The following EMILIN2 variants were observed in gnomAD, a reference collection of about 807,000 sequenced individuals.
EMILIN2 encodes the protein elastin microfibril interfacer 2.
In EMILIN2, 71 loss-of-function variants were observed where a neutral mutation model predicts 87.1. The observed-to-expected ratio is 0.82, with a 90% CI of 0.67 to 0.99. The LOEUF (loss-of-function observed/expected upper bound fraction) is 0.99, where lower values mean the gene tolerates loss of function less well. EMILIN2 is among the 50% of genes least tolerant of loss of function. EMILIN2 has a pLI of 0.00. For synonymous variants in EMILIN2, 581 were observed against 563.4 expected, an observed-to-expected ratio of 1.03 and a Z score of -0.44; for missense variants, 1,407 against 1,371.8, an observed-to-expected ratio of 1.03 and a Z score of -0.40.
intron 2 of EMILIN2, among the ~76,000 whole-genome samples, chr18:2,861,459 A>G (rs1406498508): frequency 6.6e-6 from 1 of 152,214 alleles, no homozygotes; most frequent in Non-Finnish European, 1.5e-5. Context: ...ATGGCTAGCC[A>G]GTTTTCCCAG....
At chr18:2,871,652 G>A (rs2076720614) in intron 2 of EMILIN2, among the ~76,000 whole-genome samples, 1 of 152,174 alleles carries the variant, frequency 6.6e-6, no homozygotes, top group African/African-American at 2.4e-5. Flanking sequence ...TTGCTAGAAA[G>A]GACCACGTGT....
chr18:2,901,822 C>T lies in EMILIN2; in HGVS notation c.2360-4961C>T, dbSNP rs917699613. 3.3e-5 allele frequency among the ~76,000 whole-genome samples: 5 copies of T among 152,348 alleles called. No homozygotes were observed. The East Asian group carries it at 5.8e-4, about 18-fold the overall frequency. On this transcript the variant is annotated intron_variant, in intron 4 of 7. Transcript: ENST00000254528. ...ATAAATGTGTGCGTTCGGCACCCCA[C>T]GTGATGCTGTGGACTAAGCCAGAGC...
intron 3 of EMILIN2, among the ~76,000 whole-genome samples, chr18:2,885,450 G>C (rs2076798727): frequency 6.6e-6 from 1 of 152,360 alleles, no homozygotes; most frequent in Non-Finnish European, 1.5e-5. Flanking sequence ...AAGAGATTCA[G>C]ATGTAATGAT....
chr18:2,901,076 G>C (rs986779207), intron 4 of EMILIN2, among the ~76,000 whole-genome samples: 3 of 152,190 alleles, frequency 2.0e-5, no homozygotes, highest in Admixed American at 1.3e-4. Flanking sequence ...GGTCTGATTG[G>C]CATCAATTTC....
intron 2 of EMILIN2, among the ~76,000 whole-genome samples, chr18:2,857,892 A>G (rs1474117787): frequency 6.6e-6 from 1 of 152,146 alleles, no homozygotes. Flanking sequence ...ACGATGGGCA[A>G]TGCGCCCTTT....
intron 2 of EMILIN2, among the ~76,000 whole-genome samples, chr18:2,866,284 G>A (rs937345883): frequency 1.3e-4 from 20 of 152,188 alleles, no homozygotes; most frequent in Admixed American, 1.0e-3. Flanking sequence ...CTTCTGCGTC[G>A]CTCACGCTGG....
At chr18:2,864,600 G>A (rs1290577861) in intron 2 of EMILIN2, among the ~76,000 whole-genome samples, 1 of 152,206 alleles carries the variant, frequency 6.6e-6, no homozygotes, top group Non-Finnish European at 1.5e-5. Flanking sequence ...TTAGTCTGAT[G>A]GGCTTCCCTT....
In EMILIN2 at chr18:2,847,946, C is replaced by G. The variant is rs766606235; in HGVS notation, c.257+15C>G. 1.5e-6 allele frequency: 2 copies of G among 1,341,442 alleles called. No individual in the cohort carries two copies. The highest frequency in any genetic ancestry group is 2.0e-6 in the Non-Finnish European group (2 of 1,005,646). The allele number at this position is 1,341,442 out of a possible 1,614,324, so 83.1% of individuals were successfully genotyped here. ...TCGGCGCTGGTGTAAGTCCTGGAGCCGGGGAGCGGGCGGGGCGCGCCCGGG... is the reference window on the plus strand; with the variant it reads ...TCGGCGCTGGTGTAAGTCCTGGAGCGGGGGAGCGGGCGGGGCGCGCCCGGG... On this transcript the variant is annotated intron_variant, in intron 2 of 7. Coordinates refer to ENST00000254528, the MANE Select transcript of EMILIN2 (RefSeq NM_032048.3). This position sits in a 1 kb window ranked among gnomAD's most constrained non-coding sequence, Gnocchi z 4.5.
At chr18:2,869,587 G>A (rs972547493) in intron 2 of EMILIN2, among the ~76,000 whole-genome samples, 1 of 152,052 alleles carries the variant, frequency 6.6e-6, no homozygotes, top group African/African-American at 2.4e-5. Context: ...TCATGTTGTA[G>A]TATGTATCAG....
intron 4 of EMILIN2, among the ~76,000 whole-genome samples, chr18:2,905,066 C>T (rs1240862043): frequency 2.0e-5 from 3 of 152,164 alleles, no homozygotes. Context: ...CCCAGCCTTT[C>T]TCAACCAGGG....
chr18:2,868,577 C>T (rs11877224), intron 2 of EMILIN2, among the ~76,000 whole-genome samples: 12,629 of 152,318 alleles, frequency 0.083, 1,700 homozygotes, highest in African/African-American at 0.29. Context: ...GCGGATCACT[C>T]GCGGTTAGGA....
At chr18:2,857,703 A>G (rs1032182236) in intron 2 of EMILIN2, among the ~76,000 whole-genome samples, 1 of 152,210 alleles carries the variant, frequency 6.6e-6, no homozygotes, top group Admixed American at 6.5e-5. Flanking sequence ...GCAGGGAGGC[A>G]TGGTCAAGCC....
At chr18:2,849,706 C>T (rs2076593414) in intron 2 of EMILIN2, among the ~76,000 whole-genome samples, 2 of 152,052 alleles carry the variant, frequency 1.3e-5, no homozygotes, top group Non-Finnish European at 2.9e-5. Context: ...CAATAATAAC[C>T]ATATAAACAA....
chr18:2,897,639 C>T (rs1189971557), intron 4 of EMILIN2, among the ~76,000 whole-genome samples: 2 of 152,188 alleles, frequency 1.3e-5, no homozygotes, highest in East Asian at 3.9e-4. Flanking sequence ...GCCAAGGCAG[C>T]AGGATCACTT....
intron 7 of EMILIN2, among the ~76,000 whole-genome samples, chr18:2,910,787 G>A (rs2076936972): frequency 6.6e-6 from 1 of 152,222 alleles, no homozygotes; most frequent in Admixed American, 6.5e-5. Context: ...AATCCCATCT[G>A]TCCTTAGTCA....
intron 2 of EMILIN2, among the ~76,000 whole-genome samples, chr18:2,867,639 A>G (rs999799891): frequency 6.6e-6 from 1 of 152,240 alleles, no homozygotes; most frequent in African/African-American, 2.4e-5. Flanking sequence ...TGGACACAGC[A>G]CATGTTTCAG....
Position 2,910,471 on chromosome 18 carries a change from G to C in EMILIN2, c.2824+652G>C, listed in dbSNP as rs576928295. On this transcript the variant is annotated intron_variant, in intron 7 of 7. Transcript: ENST00000254528. ...CCACCTGGGCTGGGCTGCTCTGCCC[G>C]GACGGAGGGCAGCTCCAAGGAAACA... 2.6e-5 allele frequency among the ~76,000 whole-genome samples: 4 copies of C among 152,278 alleles called. No homozygotes were observed. The East Asian group carries it at 7.7e-4, about 29-fold the overall frequency.
In EMILIN2 at chr18:2,890,579, T is replaced by C; in HGVS notation, c.452T>C (p.Phe151Ser). The C allele has an allele frequency of 1.3e-6, 2 of 1,576,266 alleles. No individual in the cohort carries two copies. Among genetic ancestry groups the C allele is most frequent in the Non-Finnish European group, 1.7e-6 (2 of 1,157,084 alleles). ...KKATDNEPSQ[F>S]SEPRKTLSPT... is the part of the protein sequence containing the mutation. ...GTAACAGATAATGAACCCAGCCAAT[T>C]CTCAGAGCCCAGGAAGACTTTGTCC... is the stretch of plus-strand genomic sequence containing the variant. The change falls in exon 4 of 8, where the codon TTC becomes TCC. Residue 151 changes from phenylalanine to serine, a missense_variant. Coordinates refer to ENST00000254528, the MANE Select transcript of EMILIN2 (RefSeq NM_032048.3). This position sits in a 1 kb window ranked among gnomAD's most constrained non-coding sequence, Gnocchi z 4.7.
chr18:2,895,737 C>T (rs1277841118), intron 4 of EMILIN2, among the ~76,000 whole-genome samples: 1 of 152,214 alleles, frequency 6.6e-6, no homozygotes, highest in East Asian at 1.9e-4. Context: ...GTGGAAGCTG[C>T]TGGGCCTCCC....
Sources: gnomAD v4.1 joint callset for allele counts (sites outside exome capture counted in the v4.1 genomes callset) on GRCh38, gnomAD v4.1.1 for gene constraint, Gnocchi (gnomAD v3.1) non-coding constraint, MANE v1.5 for transcripts, NCBI Gene and HGNC (gene_info 2026-07-23, HGNC 2026-07-21) for gene names.